Variants in OPHN1 observed in about 807,000 individuals in gnomAD.
The protein encoded by OPHN1 is oligophrenin 1, also known as oligophrenin-1.
A neutral mutation model predicts 60.7 loss-of-function variants in OPHN1; 11 were observed. The observed-to-expected ratio is 0.18, with a 90% confidence interval of 0.11 to 0.30. OPHN1 has a LOEUF of 0.30. Ranked by LOEUF, OPHN1 falls within the 10% of genes least tolerant of loss-of-function variation. OPHN1 has a pLI of 1.00. For synonymous variants in OPHN1, 226 were observed against 222.6 expected (o/e 1.02, Z -0.14); for missense variants, 449 against 611.0 (o/e 0.73, Z 2.80).
At chrX:68,216,755 G>C (rs984646494) in intron 6 of OPHN1, among the ~76,000 whole-genome samples, 22 of 111,473 alleles carry the variant, frequency 2.0e-4, no homozygotes, top group African/African-American at 7.2e-4. Flanking sequence ...AAGGGCTAGT[G>C]TCCAGAATCT....
At chrX:68,368,232 G>A (rs7062425) in intron 2 of OPHN1, among the ~76,000 whole-genome samples, 13,364 of 110,690 alleles carry the variant, frequency 0.12, 1,723 homozygotes, top group African/African-American at 0.39. Context: ...CAATGAGGAC[G>A]TTCAAAAGCA....
chrX:68,315,623 T>TA (rs1022919672), intron 2 of OPHN1, among the ~76,000 whole-genome samples: 1 of 111,619 alleles, frequency 9.0e-6, no homozygotes, highest in African/African-American at 3.3e-5. Context: ...GAAGTAAAAT[T>TA]ATCTCTATTT....
chrX:68,144,766 T>C (rs1227160298), intron 15 of OPHN1, among the ~76,000 whole-genome samples: 2 of 111,891 alleles, frequency 1.8e-5, no homozygotes, highest in African/African-American at 6.5e-5. Context: ...ATTTATTAAC[T>C]CAACACAAAT....
intron 2 of OPHN1, among the ~76,000 whole-genome samples, chrX:68,335,971 C>G (rs1038476672): frequency 1.8e-5 from 2 of 110,028 alleles, no homozygotes; most frequent in Admixed American, 2.0e-4. Context: ...TTTAAACTAC[C>G]GTTGCCTAGG....
intron 5 of OPHN1, among the ~76,000 whole-genome samples, chrX:68,267,960 T>C (rs2077941574): frequency 9.0e-6 from 1 of 111,617 alleles, no homozygotes; most frequent in Non-Finnish European, 1.9e-5. Flanking sequence ...CCTCGACACA[T>C]ATACCCTCCC....
chrX:68,142,862 T>C (rs1207846448), intron 15 of OPHN1, among the ~76,000 whole-genome samples: 1 of 111,948 alleles, frequency 8.9e-6, no homozygotes, highest in African/African-American at 3.2e-5. Context: ...CTTAAAAAAC[T>C]TGGATGAGAG....
intron 10 of OPHN1, among the ~76,000 whole-genome samples, chrX:68,202,409 T>C (rs1007438353): frequency 6.3e-5 from 7 of 111,866 alleles, no homozygotes. Context: ...TAGTCTCACC[T>C]TGTTCAGATT....
chrX:68,377,835 G>C (rs2078569175), intron 2 of OPHN1, among the ~76,000 whole-genome samples: 1 of 111,585 alleles, frequency 9.0e-6, no homozygotes, highest in Non-Finnish European at 1.9e-5. Context: ...TATCACTGTT[G>C]GACATTTGGG....
chrX:68,290,225 C>T (rs978493408), intron 3 of OPHN1, among the ~76,000 whole-genome samples: 7 of 111,038 alleles, frequency 6.3e-5, no homozygotes, highest in South Asian at 3.8e-4. Flanking sequence ...TTTGGAAAGC[C>T]GAGGTAGGCA....
At chrX:68,389,657 T>TA (rs34892434) in intron 2 of OPHN1, among the ~76,000 whole-genome samples, 971 of 88,537 alleles carry the variant, frequency 0.011, 29 homozygotes, top group African/African-American at 0.037. Flanking sequence ...TGTGATTTAG[T>TA]AAAAAAAAAA....
At chrX:68,339,982 A>G (rs893497372) in intron 2 of OPHN1, among the ~76,000 whole-genome samples, 3 of 112,502 alleles carry the variant, frequency 2.7e-5, no homozygotes, top group African/African-American at 9.7e-5. Flanking sequence ...TCTGAAAAAT[A>G]ATACTTAGAA....
intron 19 of OPHN1, among the ~76,000 whole-genome samples, chrX:68,090,482 C>G (rs770922736): frequency 9.0e-6 from 1 of 111,201 alleles, no homozygotes; most frequent in South Asian, 3.8e-4. Flanking sequence ...TTCACAAACA[C>G]CACCTTTTAG....
intron 2 of OPHN1, among the ~76,000 whole-genome samples, chrX:68,362,164 T>A (rs2078476291): frequency 8.9e-6 from 1 of 112,495 alleles, no homozygotes; most frequent in Non-Finnish European, 1.9e-5. Flanking sequence ...TCCCATTTCA[T>A]AAGTTGTCTC....
intron 22 of OPHN1, among the ~76,000 whole-genome samples, chrX:68,053,056 T>C (rs979005121): frequency 9.0e-6 from 1 of 111,507 alleles, no homozygotes; most frequent in Non-Finnish European, 1.9e-5. Context: ...GGCAAGCGCG[T>C]TGTGGCCAAG....
intron 3 of OPHN1, among the ~76,000 whole-genome samples, chrX:68,283,799 C>A (rs1345699678): frequency 1.8e-5 from 2 of 112,145 alleles, no homozygotes; most frequent in African/African-American, 6.5e-5. Context: ...ACAAATTTGT[C>A]TATACTAATA....
At chrX:68,245,519 T>C (rs5965528) in intron 5 of OPHN1, among the ~76,000 whole-genome samples, 38,374 of 110,964 alleles carry the variant, frequency 0.35, 8,700 homozygotes, top group African/African-American at 0.85. Context: ...TAGGTCTACC[T>C]TGGCTCTAGT....
intron 2 of OPHN1, among the ~76,000 whole-genome samples, chrX:68,382,092 A>G (rs1323798283): frequency 1.8e-5 from 2 of 111,889 alleles, no homozygotes; most frequent in Non-Finnish European, 3.8e-5. Flanking sequence ...TCACACCTGT[A>G]ATCCAAGCAT....
chrX:68,389,023 T>C (rs1319681928), intron 2 of OPHN1, among the ~76,000 whole-genome samples: 6 of 108,244 alleles, frequency 5.5e-5, no homozygotes, highest in Non-Finnish European at 1.1e-4. Flanking sequence ...GGTGTAATCA[T>C]GGCTCACTGC....
intron 18 of OPHN1, among the ~76,000 whole-genome samples, chrX:68,107,298 C>T (rs1406406500): frequency 9.0e-6 from 1 of 111,203 alleles, no homozygotes; most frequent in Non-Finnish European, 1.9e-5. Flanking sequence ...TAGAACAGTA[C>T]CTCTACCACT....
Sources: allele counts gnomAD v4.1 joint callset (sites outside exome capture counted in the v4.1 genomes callset), GRCh38; gene constraint gnomAD v4.1.1; transcripts MANE v1.5; gene names NCBI Gene and HGNC (gene_info 2026-07-23, HGNC 2026-07-21).